The following CDON variants were observed in gnomAD, a reference collection of about 807,000 sequenced individuals.
CDON encodes the protein cell adhesion molecule-related/down-regulated by oncogenes.
A neutral mutation model predicts 120.9 loss-of-function variants in CDON; 73 were observed. That is an observed-to-expected ratio of 0.60 (90% confidence interval 0.50 to 0.73). CDON has a LOEUF of 0.73. Among genes scored for constraint, CDON ranks in the 30% least tolerant of loss-of-function variants. The probability of loss-of-function intolerance (pLI) is 0.00; values close to 1 mark genes in which losing one functional copy is unlikely to be tolerated. For synonymous variants in CDON, 566 were observed against 573.5 expected (o/e 0.99, Z 0.19); for missense variants, 1,470 against 1,587.3 (o/e 0.93, Z 1.26).
At position 125,961,796 on chromosome 11, in the gene CDON, G is replaced by A. The variant is rs150174788; in HGVS notation, c.3559C>T (p.Arg1187Cys). The A allele has an allele frequency of 1.2e-3, 1,913 of 1,614,104 alleles. 18 individuals carry two copies. The African/African-American group carries it at 0.022, about 19-fold the overall frequency. ...TTTACAATGTCCTGACAGCAGGTAC[G>A]CTGAGTAGGGACTGGTTCCACATTG... Reference protein sequence around the residue: ...KDNVEPVPTQRTCCQDIVNDV... With the variant: ...KDNVEPVPTQCTCCQDIVNDV... Residue 1187 changes from arginine (R) to cysteine (C), a missense_variant, in exon 19 of 20, where the codon CGT becomes TGT. Physicochemically the swap from Arg to Cys is radical, Grantham distance 180. Transcript: ENST00000531738.
chr11:125,961,034 G>C lies in CDON; in HGVS notation c.3703C>G (p.Pro1235Ala). 3 of 1,613,920 alleles carry C rather than the reference G, an allele frequency of 1.9e-6. No homozygotes were observed. Among genetic ancestry groups the C allele is most frequent in the Non-Finnish European group, 2.5e-6 (3 of 1,179,824 alleles). The change falls in exon 20 of 20, where the codon CCC becomes GCC. Residue 1235 changes from proline (P) to alanine (A), a missense_variant. Coordinates refer to ENST00000531738, the MANE Select transcript of CDON (RefSeq NM_001378964.1). ...ATTGTCTTCTCAGCACAGCCCTCGG[G>C]GACAGGTGGCAAAATAAGAGCATTC... ...SWNALILPPV[P>A]EGCAEKTMWS...
At chr11:125,996,212 G>C (rs1291008697) in intron 12 of CDON, among the ~76,000 whole-genome samples, 1 of 145,600 alleles carries the variant, frequency 6.9e-6, no homozygotes, top group Non-Finnish European at 1.5e-5. Context: ...ACACAAAGAT[G>C]TACACCACAG....
rs1947505041 is a variant in CDON at position 126,017,474 on chromosome 11, T to C, written c.641-99A>G. 5 of 1,168,272 alleles carry C rather than the reference T, an allele frequency of 4.3e-6. No individual in the cohort carries two copies. The South Asian group carries it at 6.6e-5, about 15-fold the overall frequency. 72.4% of individuals were successfully genotyped at this position (1,168,272 alleles called of 1,614,324 possible). A position where few individuals can be genotyped will look rare whatever the true frequency, so the allele number is the denominator to read the frequency against. On this transcript the variant is annotated intron_variant, in intron 5 of 19. Transcript: ENST00000531738. ...CATCACCATTTTCCCATGTATTCTT[T>C]ATACTACAAGGTCCTATTTGGTGGT...
rs749385605 is a variant in CDON at position 125,994,914 on chromosome 11, T to C, written c.2501A>G (p.Tyr834Cys). The change falls in exon 13 of 20, where the codon TAC (tyrosine) becomes TGC (cysteine). Residue 834 changes from tyrosine to cysteine, a missense_variant. Tyr to Cys is a radical substitution (Grantham distance 194, BLOSUM62 -2). Coordinates refer to ENST00000531738, the MANE Select transcript of CDON (RefSeq NM_001378964.1). ...CTGAGTATCGCTGACAGCCTCTGTG[T>C]ATGCAATGTGAGGTCCAGTTATTGG... ...SRPITGPHIA[Y>C]TEAVSDTQIM... 1 of 1,614,144 alleles carries C rather than the reference T, an allele frequency of 6.2e-7. No homozygotes were observed. The highest frequency in any genetic ancestry group is 8.5e-7 in the Non-Finnish European group (1 of 1,179,990).
Position 126,000,321 on chromosome 11 carries a change from C to T in CDON, c.2158+1398G>A, listed in dbSNP as rs112335264. On this transcript the variant is annotated intron_variant, in intron 11 of 19. Coordinates refer to ENST00000531738, the MANE Select transcript of CDON (RefSeq NM_001378964.1). The stretch of plus-strand genomic sequence containing the variant: ...TTCCTGGGCTCAAGAGATCTGCCTG[C>T]CTCAGCCTCCTGAGTAGCTAGGACT... Among the ~76,000 whole-genome samples the T allele has an allele frequency of 3.2e-3, 490 of 152,262 alleles. 9 individuals are homozygous for T. Among genetic ancestry groups the T allele is most frequent in the African/African-American group, 0.011 (470 of 41,558 alleles).
rs1461439026 is a variant in CDON, at chr11:126,017,283, C to G, written c.733G>C (p.Val245Leu). 6.2e-7 allele frequency: 1 copy of G among 1,614,130 alleles called. No individual in the cohort carries two copies. The highest frequency in any genetic ancestry group is 1.7e-5 in the Admixed American group (1 of 60,024). Residue 245 changes from valine to leucine, a missense_variant, in exon 6 of 20, where the codon GTG becomes CTG. Coordinates refer to ENST00000531738, the MANE Select transcript of CDON (RefSeq NM_001378964.1). ...SRSPVTLECV[V>L]SGVPAPQVYW... is the part of the protein sequence containing the mutation. ...ACTTGAGGAGCCGGGACCCCACTCACCACACACTCCAAGGTTACAGGGCTA... is the reference window on the plus strand; with the variant it reads ...ACTTGAGGAGCCGGGACCCCACTCAGCACACACTCCAAGGTTACAGGGCTA...
At chr11:126,045,192 AT>A (rs1948373319) in intron 1 of CDON, among the ~76,000 whole-genome samples, 1 of 151,874 alleles carries the variant, frequency 6.6e-6, no homozygotes, top group Non-Finnish European at 1.5e-5. Flanking sequence ...TGTCCAGTTA[AT>A]TTTTTTGTAT....
At chr11:126,023,274 G>T in intron 2 of CDON, 127 bp downstream of exon 2, 1 of 796,858 alleles carries the variant, frequency 1.3e-6, no homozygotes, top group Non-Finnish European at 2.3e-6. Flanking sequence ...TCATGTAGTT[G>T]GTCAAACCAA....
In CDON at chr11:126,003,934, T is replaced by A. The variant is rs1947035765; in HGVS notation, c.1994A>T (p.Gln665Leu). 6.2e-7 allele frequency: 1 copy of A among 1,614,156 alleles called. No individual in the cohort carries two copies. The highest frequency in any genetic ancestry group is 8.5e-7 in the Non-Finnish European group (1 of 1,180,020). ...GGTTCGGAAGGTAAGCATGGCAGGT[T>A]GGCCTTCACCTGCTGCGCTTCTTGC... ...MVARSAAGEG[Q>L]PAMLTFRTSK... Residue 665 changes from glutamine to leucine, a missense_variant, in exon 10 of 20, where the codon CAA becomes CTA. By Grantham distance (113) the Gln-to-Leu change is moderately radical. Coordinates refer to ENST00000531738, the MANE Select transcript of CDON (RefSeq NM_001378964.1).
chr11:125,995,491 A>G (rs1275031692), intron 12 of CDON, among the ~76,000 whole-genome samples: 1 of 152,220 alleles, frequency 6.6e-6, no homozygotes, highest in Non-Finnish European at 1.5e-5. Flanking sequence ...AATACGGTGA[A>G]TACACTCATA....
rs149930752 is a variant in CDON, at chr11:126,048,471, G to A, written c.-62+14108C>T. Among the ~76,000 whole-genome samples the A allele has an allele frequency of 1.0e-3, 154 of 152,194 alleles. 4 individuals carry two copies. The East Asian group carries it at 0.027, about 26-fold the overall frequency. On this transcript the variant is annotated intron_variant, in intron 1 of 19. Coordinates refer to ENST00000531738, the MANE Select transcript of CDON (RefSeq NM_001378964.1). ...CAGCAACGTTCAACACCCCAGATAT[G>A]CTATTACAATCATCCAAATCATATT... is the stretch of plus-strand genomic sequence containing the variant.
Position 126,034,551 on chromosome 11 carries a change from C to A in CDON, c.-61-11014G>T, listed in dbSNP as rs1348184972. Among the ~76,000 whole-genome samples, 1 of 152,066 alleles carries A rather than the reference C, an allele frequency of 6.6e-6. No individual in the cohort carries two copies. Among genetic ancestry groups the A allele is most frequent in the East Asian group, 1.9e-4 (1 of 5,192 alleles). Reference sequence around the variant, plus strand: ...TATTTGTGTGTTTAAAAAAAAAAGTCAAGTGTTCCTGTTCCACTCTCTTTC... The same window carrying A: ...TATTTGTGTGTTTAAAAAAAAAAGTAAAGTGTTCCTGTTCCACTCTCTTTC... On this transcript the variant is annotated intron_variant, in intron 1 of 19. Coordinates refer to ENST00000531738, the MANE Select transcript of CDON (RefSeq NM_001378964.1). The surrounding 1 kb of genome is among the most constrained non-coding windows in gnomAD (Gnocchi z 4.5).
In CDON at chr11:126,019,781, A is replaced by G. The variant is rs1210435464; in HGVS notation, c.350-16T>C. 1 of 1,599,644 alleles carries G rather than the reference A, an allele frequency of 6.3e-7. No individual in the cohort carries two copies. Among genetic ancestry groups the G allele is most frequent in the South Asian group, 1.1e-5 (1 of 90,758 alleles). On this transcript the variant is annotated splice_polypyrimidine_tract_variant and intron_variant, in intron 3 of 19. Coordinates refer to ENST00000531738, the MANE Select transcript of CDON (RefSeq NM_001378964.1). ...TCACCAAGAACTGAAATATATAAGG[A>G]AACAGATAAATAAATACATGCAAAT...
chr11:126,022,088 G>A (rs1228358091), intron 2 of CDON, among the ~76,000 whole-genome samples: 1 of 144,542 alleles, frequency 6.9e-6, no homozygotes, highest in East Asian at 2.0e-4. Context: ...GGTGACAGTG[G>A]GAGACCCTGC....
chr11:126,004,068 A>G lies in CDON; in HGVS notation c.1860T>C (p.Asp620=), dbSNP rs1408665693. 1 of 1,613,810 alleles carries G rather than the reference A, an allele frequency of 6.2e-7. No homozygotes were observed. The highest frequency in any genetic ancestry group is 1.3e-5 in the African/African-American group (1 of 74,914). Residue 620 remains aspartate (D), a synonymous_variant, in exon 10 of 20, where the codon GAT becomes GAC. Coordinates refer to ENST00000531738, the MANE Select transcript of CDON (RefSeq NM_001378964.1). ...GCCAGCTTCCCAGCATGCCAACCCCATCATCCAGCTGCCCAAGAGAAAACA... is the reference window on the plus strand; with the variant it reads ...GCCAGCTTCCCAGCATGCCAACCCCGTCATCCAGCTGCCCAAGAGAAAACA... ...AYFVKYRKLD[D]GVGMLGSWHT...
intron 1 of CDON, among the ~76,000 whole-genome samples, chr11:126,060,297 T>C (rs1344330651): frequency 6.6e-6 from 1 of 152,192 alleles, no homozygotes; most frequent in South Asian, 2.1e-4. Context: ...ATTAAGTTCA[T>C]TTACTTAAAG....
chr11:126,038,685 G>A (rs1355991130), intron 1 of CDON, among the ~76,000 whole-genome samples: 1 of 151,734 alleles, frequency 6.6e-6, no homozygotes, highest in African/African-American at 2.4e-5. Context: ...CTCTGGTTAT[G>A]AACAAAGAGC....
At chr11:125,977,345 A>ATTTTTAATT (rs1166789266) in intron 18 of CDON, among the ~76,000 whole-genome samples, 1 of 152,202 alleles carries the variant, frequency 6.6e-6, no homozygotes, top group African/African-American at 2.4e-5. Context: ...GGAACAACGT[A>ATTTTTAATT]TTTTTAATTT....
At position 126,033,202 on chromosome 11, in the gene CDON, T is replaced by C. The variant is rs187300814; in HGVS notation, c.-61-9665A>G. Among the ~76,000 whole-genome samples, 11 of 152,252 alleles carry C rather than the reference T, an allele frequency of 7.2e-5. No individual in the cohort carries two copies. The South Asian group carries it at 2.3e-3, about 32-fold the overall frequency. On this transcript the variant is annotated intron_variant, in intron 1 of 19. Coordinates refer to ENST00000531738, the MANE Select transcript of CDON (RefSeq NM_001378964.1). ...AGTGGATGATGTGCATTTACTGAGA[T>C]GGGAGCAGCAGGGTCTTCTGTGGTC...
Sources: gnomAD v4.1 joint callset for allele counts (sites outside exome capture counted in the v4.1 genomes callset) on GRCh38, gnomAD v4.1.1 for gene constraint, Gnocchi (gnomAD v3.1) non-coding constraint, MANE v1.5 for transcripts, NCBI Gene and HGNC (gene_info 2026-07-23, HGNC 2026-07-21) for gene names.